DOCK7: variants seen among roughly 807,000 people sequenced by gnomAD.
The protein encoded by DOCK7 is dedicator of cytokinesis protein 7.
A neutral mutation model predicts 271.0 loss-of-function variants in DOCK7; 138 were observed. The observed-to-expected ratio is 0.51, with a 90% CI of 0.44 to 0.59. The LOEUF is 0.59. Ranked by LOEUF, DOCK7 falls within the 20% of genes least tolerant of loss-of-function variation. The pLI is 0.00. For missense variants in DOCK7, 2,066 were observed against 2,592.4 expected (o/e 0.80, Z 4.41); for synonymous variants, 823 against 876.1 (o/e 0.94, Z 1.07).
intron 8 of DOCK7, 126 bp from the exon 9 acceptor site, chr1:62,635,048 T>C (rs1655087156): frequency 4.0e-6 from 2 of 497,400 alleles, no homozygotes; most frequent in Non-Finnish European, 7.0e-6. Context: ...TGTTTTCAAT[T>C]ACAGTAATTA....
chr1:62,501,218 C>T (rs1003443182), intron 37 of DOCK7, among the ~76,000 whole-genome samples: 17 of 152,066 alleles, frequency 1.1e-4, no homozygotes, highest in African/African-American at 3.9e-4. Flanking sequence ...GAGAATATTA[C>T]TCCTAAGAAC....
intron 14 of DOCK7, among the ~76,000 whole-genome samples, chr1:62,610,659 G>A (rs1486887559): frequency 6.6e-6 from 1 of 151,948 alleles, no homozygotes; most frequent in African/African-American, 2.4e-5. Flanking sequence ...TCCTTTCCCT[G>A]TGTCCATGTG....
intron 10 of DOCK7, 131 bp from the exon 11 acceptor site, chr1:62,631,536 T>G: frequency 1.4e-6 from 1 of 732,210 alleles, no homozygotes; most frequent in Non-Finnish European, 2.2e-6. Context: ...AATCTGTACC[T>G]TACAGAGATG....
At chr1:62,632,677 T>C (rs927653083) in intron 10 of DOCK7, among the ~76,000 whole-genome samples, 12 of 152,184 alleles carry the variant, frequency 7.9e-5, no homozygotes, top group Non-Finnish European at 1.6e-4. Context: ...TATAAGTTTA[T>C]ACACATTCTA....
At chr1:62,467,017 G>GT (rs1201207840) in intron 48 of DOCK7, among the ~76,000 whole-genome samples, 8 of 151,988 alleles carry the variant, frequency 5.3e-5, no homozygotes, top group Non-Finnish European at 1.0e-4. Flanking sequence ...ATCAAGGGTC[G>GT]TAAGGACCTA....
At chr1:62,460,309 G>C (rs1383488201) in intron 48 of DOCK7, among the ~76,000 whole-genome samples, 2 of 151,872 alleles carry the variant, frequency 1.3e-5, no homozygotes, top group African/African-American at 4.8e-5. Context: ...GGTTCTGCAT[G>C]CATGAATTAG....
rs56120442 is a variant in DOCK7, at chr1:62,494,618, G to C, written c.5025-151C>G. 0.028 allele frequency: 13,844 copies of C among 496,510 alleles called. 242 individuals are homozygous for C. The highest frequency in any genetic ancestry group is 0.062 in the Admixed American group (1,517 of 24,616). The allele number at this position is 496,510 out of a possible 1,614,324, so 30.8% of individuals were successfully genotyped here. ...GTAGTATGAAAATGTCGCTATGCAGGCCTAGAGAAATAACTGTGGCCTATG... is the reference window on the plus strand; with the variant it reads ...GTAGTATGAAAATGTCGCTATGCAGCCCTAGAGAAATAACTGTGGCCTATG... On this transcript the variant is annotated intron_variant, in intron 39 of 49. Coordinates refer to ENST00000635253, the MANE Select transcript of DOCK7 (RefSeq NM_001367561.1).
intron 31 of DOCK7, among the ~76,000 whole-genome samples, chr1:62,518,883 AAGAG>A (rs923442901): frequency 2.6e-4 from 39 of 152,298 alleles, no homozygotes; most frequent in South Asian, 4.1e-4. Context: ...ACTCTAGTGA[AAGAG>A]AGAGATTAAC....
intron 6 of DOCK7, 105 bp from the exon 7 acceptor site, chr1:62,647,881 T>C (rs1325910209): frequency 3.2e-6 from 3 of 925,788 alleles, no homozygotes; most frequent in South Asian, 3.2e-5. Context: ...GTCTTCACAA[T>C]AGAACATAGA....
chr1:62,559,256 A>G (rs1484739235), intron 19 of DOCK7, 36 bp from the exon 20 acceptor site: 2 of 1,522,840 alleles, frequency 1.3e-6, no homozygotes, highest in South Asian at 2.4e-5. Flanking sequence ...CTAAGCACTT[A>G]TAACTTTATA....
At position 62,550,503 on chromosome 1, in the gene DOCK7, A is replaced by G. The variant is rs995016913; in HGVS notation, c.2766+2229T>C. On this transcript the variant is annotated intron_variant, in intron 22 of 49. Coordinates refer to ENST00000635253, the MANE Select transcript of DOCK7 (RefSeq NM_001367561.1). ...GAATTAAATCATTTCCTGGGAGAACAGGAAAGTGATGGAGATACAGAAATA... is the reference window on the plus strand; with the variant it reads ...GAATTAAATCATTTCCTGGGAGAACGGGAAAGTGATGGAGATACAGAAATA... Among the ~76,000 whole-genome samples the G allele has an allele frequency of 4.5e-4, 68 of 152,140 alleles. 2 individuals carry two copies. The highest frequency in any genetic ancestry group is 2.0e-4 in the Admixed American group (3 of 15,278).
chr1:62,504,534 A>C, intron 37 of DOCK7, 96 bp downstream of exon 37: 3 of 1,320,728 alleles, frequency 2.3e-6, no homozygotes, highest in Non-Finnish European at 2.0e-6. Context: ...AAAATATACA[A>C]AAAACTCCAT....
intron 48 of DOCK7, among the ~76,000 whole-genome samples, chr1:62,459,881 T>C (rs1055194756): frequency 7.9e-5 from 12 of 151,850 alleles, no homozygotes; most frequent in Admixed American, 6.6e-4. Flanking sequence ...GGGCGGATCA[T>C]GAGGTCAGGA....
chr1:62,594,235 AT>A (rs1489619258), intron 14 of DOCK7, among the ~76,000 whole-genome samples: 4 of 152,152 alleles, frequency 2.6e-5, no homozygotes, highest in African/African-American at 4.8e-5. Flanking sequence ...GACAGGAAGT[AT>A]TAAAAGGCAG....
At chr1:62,570,550 A>G (rs538296743) in intron 18 of DOCK7, among the ~76,000 whole-genome samples, 1 of 152,342 alleles carries the variant, frequency 6.6e-6, no homozygotes, top group Admixed American at 6.5e-5. Flanking sequence ...TATTTTAAAA[A>G]GCTATTTTAA....
intron 14 of DOCK7, among the ~76,000 whole-genome samples, chr1:62,599,064 A>G (rs1160319271): frequency 2.0e-5 from 3 of 152,050 alleles, no homozygotes; most frequent in African/African-American, 7.2e-5. Flanking sequence ...TAATAACAGA[A>G]CTTATAGGAT....
At chr1:62,494,639 C>A in intron 39 of DOCK7, 172 bp from the exon 40 acceptor site, 1 of 400,052 alleles carries the variant, frequency 2.5e-6, no homozygotes. Flanking sequence ...TAACTGTGGC[C>A]TATGGAATGG....
At chr1:62,495,979 C>A in intron 38 of DOCK7, 1 of 353,362 alleles carries the variant, frequency 2.8e-6, no homozygotes, top group Middle Eastern at 7.9e-4. Context: ...AAGGAAAATT[C>A]TCTCCTATAT....
intron 42 of DOCK7, 110 bp downstream of exon 42, chr1:62,488,824 G>C (rs776969364): frequency 2.1e-6 from 3 of 1,395,786 alleles, no homozygotes; most frequent in Admixed American, 3.5e-5. Flanking sequence ...TTTGTAGTCT[G>C]ATTAAAATGG....
Sources: allele counts gnomAD v4.1 joint callset (sites outside exome capture counted in the v4.1 genomes callset), GRCh38; gene constraint gnomAD v4.1.1; transcripts MANE v1.5; gene names NCBI Gene and HGNC (gene_info 2026-07-23, HGNC 2026-07-21).